CRYGB: variants seen among roughly 807,000 people sequenced by gnomAD.
CRYGB encodes the protein gamma-crystallin B.
A neutral mutation model predicts 21.3 loss-of-function variants in CRYGB; 19 were observed. The observed-to-expected ratio is 0.89, with a 90% CI of 0.62 to 1.31. The LOEUF (loss-of-function observed/expected upper bound fraction) is 1.31. Among genes scored for constraint, CRYGB ranks in the 50% most tolerant of loss-of-function variants. CRYGB has a pLI of 0.00. For synonymous variants in CRYGB, 81 were observed against 81.2 expected, an observed-to-expected ratio of 1.00 and a Z score of 0.01; for missense variants, 254 against 228.4, an observed-to-expected ratio of 1.11 and a Z score of -0.72.
chr2:208,143,675 G>C (rs189547726), intron 2 of CRYGB, among the ~76,000 whole-genome samples: 8 of 152,234 alleles, frequency 5.3e-5, no homozygotes, highest in Non-Finnish European at 7.4e-5. Flanking sequence ...CTAATATTTT[G>C]TATTTTTAGT....
intron 2 of CRYGB, among the ~76,000 whole-genome samples, chr2:208,145,248 G>A (rs72970048): frequency 0.024 from 449 of 18,564 alleles, 1 homozygote; most frequent in African/African-American, 0.052. Context: ...TGTTGTTGTT[G>A]TTATTGTCGT....
Position 208,142,657 on chromosome 2 carries a change from C to A in CRYGB, c.509G>T (p.Arg170Leu). The A allele has an allele frequency of 1.3e-6, 2 of 1,545,312 alleles. No individual in the cohort carries two copies. Among genetic ancestry groups the A allele is most frequent in the South Asian group, 1.3e-5 (1 of 78,526 alleles). ...APNAKVGSLR[R>L]VMDLY The stretch of plus-strand genomic sequence containing the variant: ...AATACTTCAGTACAAATCCATGACT[C>A]GTCTAAGAGAGCCAACTTTGGCATT... Residue 170 changes from arginine to leucine, a missense_variant, in exon 3 of 3, where the codon CGA (arginine) becomes CTA (leucine). Physicochemically the swap from Arg to Leu is moderately radical, Grantham distance 102. Coordinates refer to ENST00000260988, the MANE Select transcript of CRYGB (RefSeq NM_005210.4).
At position 208,142,898 on chromosome 2, in the gene CRYGB, T is replaced by G; in HGVS notation, c.268A>C (p.Arg90=). The G allele has an allele frequency of 6.2e-7, 1 of 1,606,144 alleles. No individual in the cohort carries two copies. The highest frequency in any genetic ancestry group is 8.5e-7 in the Non-Finnish European group (1 of 1,176,174). The change falls in exon 3 of 3, where the codon AGA becomes CGA. Residue 90 remains arginine, a synonymous_variant. Coordinates refer to ENST00000260988, the MANE Select transcript of CRYGB (RefSeq NM_005210.4). ...CLIPPHSGAY[R]MKIYDRDELR... ...TCATCTCTGTCGTAGATCTTCATTC[T>G]GTAAGCGCCAGAGTGCTGGAGTGGC...
At chr2:208,144,495 C>T (rs1398421930) in intron 2 of CRYGB, among the ~76,000 whole-genome samples, 1 of 152,050 alleles carries the variant, frequency 6.6e-6, no homozygotes, top group African/African-American at 2.4e-5. Flanking sequence ...CCTCAACCTT[C>T]TGGGCTCAAG....
chr2:208,145,966 G>A lies in CRYGB; in HGVS notation c.60C>T (p.Thr20=). Residue 20 remains threonine, a synonymous_variant, in exon 2 of 3, where the codon ACC becomes ACT. Coordinates refer to ENST00000260988, the MANE Select transcript of CRYGB (RefSeq NM_005210.4). ...AGGGTTGTAGGTTGGGGCAGTCAGTGGTGCATTCGTAGCTGCGGCCCTGGA... is the reference window on the plus strand; with the variant it reads ...AGGGTTGTAGGTTGGGGCAGTCAGTAGTGCATTCGTAGCTGCGGCCCTGGA... ...RAFQGRSYEC[T]TDCPNLQPYF... The A allele has an allele frequency of 1.2e-6, 2 of 1,614,164 alleles. No individual in the cohort carries two copies. The highest frequency in any genetic ancestry group is 1.6e-4 in the Middle Eastern group (1 of 6,062).
chr2:208,145,910 T>C lies in CRYGB; in HGVS notation c.116A>G (p.Glu39Gly). 6.2e-7 allele frequency: 1 copy of C among 1,614,084 alleles called. No individual in the cohort carries two copies. The highest frequency in any genetic ancestry group is 8.5e-7 in the Non-Finnish European group (1 of 1,180,016). The change falls in exon 2 of 3, where the codon GAG (glutamate) becomes GGG (glycine). Residue 39 changes from glutamate (E) to glycine (G), a missense_variant. Physicochemically the swap from Glu to Gly is moderately conservative, Grantham distance 98 (BLOSUM62 -2). Coordinates refer to ENST00000260988, the MANE Select transcript of CRYGB (RefSeq NM_005210.4). ...CTCATAGATCATCCAGCAGCCGCTC[T>C]CCACCCTGATGGAGTTGCAGCGGCT... is the stretch of plus-strand genomic sequence containing the variant. ...YFSRCNSIRV[E>G]SGCWMIYERP...
rs3214759 is a variant in CRYGB at position 208,146,053 on chromosome 2, GC to G, written c.10-38del. 226,266 of 1,614,038 alleles carry G rather than the reference GC, an allele frequency of 0.14. 16,328 individuals are homozygous for G. The highest frequency in any genetic ancestry group is 0.2 in the African/African-American group (14,683 of 74,976). On this transcript the variant is annotated intron_variant, in intron 1 of 2. Coordinates refer to ENST00000260988, the MANE Select transcript of CRYGB (RefSeq NM_005210.4). ...AAGATGTGGGAGCATGGAGTGATTGGCCCCCACTGAGGCCACTGCATTAGGG... is the reference window on the plus strand; with the variant it reads ...AAGATGTGGGAGCATGGAGTGATTGGCCCCACTGAGGCCACTGCATTAGGG...
chr2:208,143,985 G>A (rs1335407453), intron 2 of CRYGB, among the ~76,000 whole-genome samples: 1 of 150,814 alleles, frequency 6.6e-6, no homozygotes, highest in Non-Finnish European at 1.5e-5. Context: ...TGTCATGGGT[G>A]CATCCTCAAC....
At position 208,144,022 on chromosome 2, in the gene CRYGB, G is replaced by GTT. The variant is rs4021949; in HGVS notation, c.253-1111_253-1110dup. 3.5e-4 allele frequency among the ~76,000 whole-genome samples: 47 copies of GTT among 134,052 alleles called. 2 individuals are homozygous for GTT. The highest frequency in any genetic ancestry group is 6.1e-4 in the Admixed American group (8 of 13,052). The allele number at this position is 134,052 out of a possible 152,430, so 87.9% of individuals were successfully genotyped here. A position where few individuals can be genotyped will look rare whatever the true frequency, so the allele number is the denominator to read the frequency against. On this transcript the variant is annotated intron_variant, in intron 2 of 2. Transcript: ENST00000260988. ...TTGGCAAAATAAACCTTCTTTCTGG[G>GTT]TTTTTTTTTTTTTTTGAGATGGAGT...
intron 2 of CRYGB, among the ~76,000 whole-genome samples, chr2:208,145,231 T>TTGTTGC (rs1419630007): frequency 1.2e-5 from 1 of 80,832 alleles, no homozygotes; most frequent in African/African-American, 3.8e-5. Context: ...AAGTTTGTTG[T>TTGTTGC]TGTTGTTGTT....
intron 2 of CRYGB, 37 bp from the exon 3 acceptor site, chr2:208,142,950 C>A: frequency 6.5e-7 from 1 of 1,545,748 alleles, no homozygotes; most frequent in Admixed American, 2.0e-5. Flanking sequence ...AGTAAACAAA[C>A]AAAAACAGAT....
chr2:208,145,746 T>G, intron 2 of CRYGB, 28 bp downstream of exon 2: 4 of 1,517,718 alleles, frequency 2.6e-6, no homozygotes, highest in South Asian at 2.5e-5. Flanking sequence ...TCCAAAAAGA[T>G]GGAAGGCAAA....
Position 208,145,637 on chromosome 2 carries a change from C to T in CRYGB, c.252+137G>A, listed in dbSNP as rs1212962495. On this transcript the variant is annotated intron_variant, in intron 2 of 2. Transcript: ENST00000260988. ...CCGGGAGGCGGAAGTTGCAGTGAGC[C>T]GAGATCATGCCACTGCACTCCACCC... The T allele has an allele frequency of 3.4e-5, 48 of 1,422,648 alleles. No homozygotes were observed. In the East Asian group the frequency reaches 4.0e-4, roughly 12 times the overall value. 88.1% of individuals were successfully genotyped at this position (1,422,648 alleles called of 1,614,324 possible).
In CRYGB at chr2:208,145,673, A is replaced by T. The variant is rs1695447948; in HGVS notation, c.252+101T>A. The stretch of plus-strand genomic sequence containing the variant: ...CACTGCACTCCACCCTGGGGGACAG[A>T]GCGAGACTCCGCCTCAAAAAAAAAA... On this transcript the variant is annotated intron_variant, in intron 2 of 2. Transcript: ENST00000260988. 7.9e-5 allele frequency: 116 copies of T among 1,462,148 alleles called. No individual in the cohort carries two copies. The South Asian group carries it at 1.6e-3, about 20-fold the overall frequency. The allele number at this position is 1,462,148 out of a possible 1,614,324, so 90.6% of individuals were successfully genotyped here. A position where few individuals can be genotyped will look rare whatever the true frequency, so the allele number is the denominator to read the frequency against.
At position 208,142,575 on chromosome 2, in the gene CRYGB, C is replaced by T; in HGVS notation, c.*63G>A. The T allele has an allele frequency of 6.9e-7, 1 of 1,447,198 alleles. No individual in the cohort carries two copies. The highest frequency in any genetic ancestry group is 9.1e-7 in the Non-Finnish European group (1 of 1,095,762). 89.6% of individuals were successfully genotyped at this position (1,447,198 alleles called of 1,614,324 possible). On this transcript the variant is annotated 3_prime_UTR_variant, in exon 3 of 3. Coordinates refer to ENST00000260988, the MANE Select transcript of CRYGB (RefSeq NM_005210.4). ...AAAGAAAGACAGGGCTCTACTAGTG[C>T]CAGAAACACAAGCTAAATATTTTAT... is the stretch of plus-strand genomic sequence containing the variant.
intron 2 of CRYGB, among the ~76,000 whole-genome samples, chr2:208,144,169 C>T (rs1001920488): frequency 1.1e-4 from 17 of 151,606 alleles, no homozygotes; most frequent in Admixed American, 2.6e-4. Context: ...TACAGGCACG[C>T]GCCACCACGC....
chr2:208,145,970 C>T lies in CRYGB; in HGVS notation c.56G>A (p.Cys19Tyr). Residue 19 changes from cysteine to tyrosine, a missense_variant, in exon 2 of 3, where the codon TGC (cysteine) becomes TAC (tyrosine). Coordinates refer to ENST00000260988, the MANE Select transcript of CRYGB (RefSeq NM_005210.4). ...DRAFQGRSYE[C>Y]TTDCPNLQPY... ...TTGTAGGTTGGGGCAGTCAGTGGTG[C>T]ATTCGTAGCTGCGGCCCTGGAAGGC... 6.2e-7 allele frequency: 1 copy of T among 1,614,190 alleles called. No homozygotes were observed. Among genetic ancestry groups the T allele is most frequent in the Non-Finnish European group, 8.5e-7 (1 of 1,180,038 alleles).
In CRYGB at chr2:208,142,788, A is replaced by T. The variant is rs1436889137; in HGVS notation, c.378T>A (p.Asn126Lys). The stretch of plus-strand genomic sequence containing the variant: ...AGAGGATCCAGCTGCCCTCCAGCAC[A>T]TTGAGGGAGTGAATTTCAGTGAGGT... ...RFHLTEIHSL[N>K]VLEGSWILYE... Residue 126 changes from asparagine (N) to lysine (K), a missense_variant, in exon 3 of 3, where the codon AAT becomes AAA. By Grantham distance (94) the Asn-to-Lys change is moderately conservative. Transcript: ENST00000260988. The T allele has an allele frequency of 6.2e-7, 1 of 1,614,140 alleles. No homozygotes were observed. The highest frequency in any genetic ancestry group is 1.1e-5 in the South Asian group (1 of 91,076).
chr2:208,145,881 GGC>G lies in CRYGB; in HGVS notation c.143_144del (p.Arg48ProfsTer17). The G allele has an allele frequency of 6.2e-7, 1 of 1,614,054 alleles. No homozygotes were observed. On this transcript the variant is annotated frameshift_variant, in exon 2 of 3. Coordinates refer to ENST00000260988, the MANE Select transcript of CRYGB (RefSeq NM_005210.4). LOFTEE classifies it high-confidence loss of function. ...AAGTACTGGTGGCCCTGGTAGTTGG[GGC>G]GCTCATAGATCATCCAGCAGCCGCT... ...VESGCWMIYE[R>X]PNYQGHQYFL...
Sources: allele counts gnomAD v4.1 joint callset (sites outside exome capture counted in the v4.1 genomes callset), GRCh38; gene constraint gnomAD v4.1.1; transcripts MANE v1.5; gene names NCBI Gene and HGNC (gene_info 2026-07-23, HGNC 2026-07-21).